The following CADPS2 variants were observed in gnomAD, a reference collection of about 807,000 sequenced individuals.
CADPS2 encodes calcium dependent secretion activator 2.
In CADPS2, 93 loss-of-function variants were observed where a neutral mutation model predicts 172.5. That is an observed-to-expected ratio of 0.54 (90% CI 0.46 to 0.64). CADPS2 has a LOEUF of 0.64. Ranked by LOEUF, CADPS2 falls within the 30% of genes least tolerant of loss-of-function variation. CADPS2 has a pLI of 0.00. For missense variants in CADPS2, 1,420 were observed against 1,565.9 expected (o/e 0.91, Z 1.57); for synonymous variants, 546 against 555.2 (o/e 0.98, Z 0.23).
intron 2 of CADPS2, among the ~76,000 whole-genome samples, chr7:122,691,056 G>A (rs1012312039): frequency 6.6e-6 from 1 of 152,168 alleles, no homozygotes; most frequent in Admixed American, 6.5e-5. Flanking sequence ...TGCTGCTAAG[G>A]GACTTGTACT....
intron 2 of CADPS2, among the ~76,000 whole-genome samples, chr7:122,693,020 G>C (rs1229239595): frequency 6.6e-6 from 1 of 152,194 alleles, no homozygotes; most frequent in African/African-American, 2.4e-5. Flanking sequence ...CCACATGGCT[G>C]TGATAACAGG....
At chr7:122,734,462 A>C (rs2091996125) in intron 2 of CADPS2, among the ~76,000 whole-genome samples, 1 of 149,292 alleles carries the variant, frequency 6.7e-6, no homozygotes, top group Non-Finnish European at 1.5e-5. Flanking sequence ...AAGTCATTTA[A>C]CCTCTATGAG....
chr7:122,322,505 C>T (rs972773607), intron 29 of CADPS2, among the ~76,000 whole-genome samples: 4 of 152,296 alleles, frequency 2.6e-5, no homozygotes, highest in Admixed American at 2.6e-4. Context: ...TTGGTTGGCT[C>T]TTGCTTAAGA....
chr7:122,536,589 C>T (rs997720320), intron 8 of CADPS2, among the ~76,000 whole-genome samples: 22 of 152,032 alleles, frequency 1.4e-4, no homozygotes, highest in Admixed American at 1.2e-3. Flanking sequence ...AGCACACAAA[C>T]AGGCGAGAGA....
chr7:122,751,927 T>G (rs2092968638), intron 1 of CADPS2, among the ~76,000 whole-genome samples: 1 of 152,156 alleles, frequency 6.6e-6, no homozygotes, highest in South Asian at 2.1e-4. Flanking sequence ...AAGTCCTTAT[T>G]TACTCCCATT....
At chr7:122,523,647 G>A (rs577858513) in intron 8 of CADPS2, among the ~76,000 whole-genome samples, 213 of 152,188 alleles carry the variant, frequency 1.4e-3, no homozygotes, top group Non-Finnish European at 1.5e-3. Context: ...ATGGCTAAAT[G>A]AAGTTAATTA....
At chr7:122,658,075 C>T (rs1299575588) in intron 3 of CADPS2, among the ~76,000 whole-genome samples, 2 of 152,082 alleles carry the variant, frequency 1.3e-5, no homozygotes, top group Admixed American at 6.6e-5. Flanking sequence ...AAAAAGTGGG[C>T]AAAGGATATG....
At chr7:122,878,639 C>CAAATAAAT (rs59190953) in intron 1 of CADPS2, among the ~76,000 whole-genome samples, 2,598 of 138,962 alleles carry the variant, frequency 0.019, 22 homozygotes, top group African/African-American at 0.023. Flanking sequence ...GACTCTGTCT[C>CAAATAAAT]AAATAAATAA....
At chr7:122,588,303 A>G (rs1364077301) in intron 6 of CADPS2, among the ~76,000 whole-genome samples, 2 of 151,626 alleles carry the variant, frequency 1.3e-5, no homozygotes. Flanking sequence ...TATTGCCTAC[A>G]TTTTCTTCTA....
intron 3 of CADPS2, among the ~76,000 whole-genome samples, chr7:122,662,162 T>G (rs13230792): frequency 0.051 from 7,769 of 152,134 alleles, 259 homozygotes; most frequent in African/African-American, 0.058. Context: ...AAAACAAACA[T>G]GTATATTATA....
chr7:122,603,945 C>CT (rs2073145201), intron 6 of CADPS2, among the ~76,000 whole-genome samples: 1 of 152,050 alleles, frequency 6.6e-6, no homozygotes, highest in Non-Finnish European at 1.5e-5. Flanking sequence ...ATAAGATGAA[C>CT]AAGTTCTAAG....
chr7:122,775,285 C>T (rs1388913452), intron 1 of CADPS2, among the ~76,000 whole-genome samples: 1 of 152,182 alleles, frequency 6.6e-6, no homozygotes, highest in Non-Finnish European at 1.5e-5. Flanking sequence ...GTCATAGACG[C>T]TGACACAATT....
At chr7:122,841,713 A>C (rs1810559076) in intron 1 of CADPS2, among the ~76,000 whole-genome samples, 1 of 152,186 alleles carries the variant, frequency 6.6e-6, no homozygotes, top group Non-Finnish European at 1.5e-5. Flanking sequence ...TAAATAACTA[A>C]AGAAAACGAA....
intron 1 of CADPS2, among the ~76,000 whole-genome samples, chr7:122,773,452 T>C (rs1378453256): frequency 2.0e-5 from 3 of 152,038 alleles, no homozygotes; most frequent in Non-Finnish European, 4.4e-5. Context: ...GGAGACATTG[T>C]TTAAACTTTA....
intron 9 of CADPS2, among the ~76,000 whole-genome samples, chr7:122,506,518 T>G (rs1401911311): frequency 6.6e-6 from 1 of 152,194 alleles, no homozygotes; most frequent in African/African-American, 2.4e-5. Context: ...ACCTGTGCAA[T>G]ACCTGTCTGT....
chr7:122,468,824 T>C (rs557577657), intron 14 of CADPS2, among the ~76,000 whole-genome samples: 1 of 152,330 alleles, frequency 6.6e-6, no homozygotes, highest in Non-Finnish European at 1.5e-5. Context: ...ACGTCATAAC[T>C]TTCAGCTTAT....
At chr7:122,506,900 T>G (rs560291908) in intron 9 of CADPS2, among the ~76,000 whole-genome samples, 14 of 152,208 alleles carry the variant, frequency 9.2e-5, no homozygotes, top group Admixed American at 2.0e-4. Flanking sequence ...GAAAAGTCAG[T>G]CTTTTCAGAA....
At chr7:122,850,078 GCA>G in intron 1 of CADPS2, 1 of 1,373,196 alleles carries the variant, frequency 7.3e-7, no homozygotes, top group Admixed American at 3.1e-5. Flanking sequence ...CTTGGCAACA[GCA>G]CAGACCCAGC....
At chr7:122,783,884 C>T (rs972098350) in intron 1 of CADPS2, among the ~76,000 whole-genome samples, 9 of 152,262 alleles carry the variant, frequency 5.9e-5, no homozygotes, top group Middle Eastern at 3.4e-3. Context: ...AGGATGCCTT[C>T]GACCATATCT....
Sources: allele counts gnomAD v4.1 joint callset (sites outside exome capture counted in the v4.1 genomes callset), GRCh38; gene constraint gnomAD v4.1.1; transcripts MANE v1.5; gene names NCBI Gene and HGNC (gene_info 2026-07-23, HGNC 2026-07-21).